The following ASB7 variants were observed in gnomAD, a reference collection of about 807,000 sequenced individuals.
ASB7 encodes ankyrin repeat and SOCS box protein 7.
In ASB7, 4 loss-of-function variants were observed where a neutral mutation model predicts 32.5. The ratio of observed to expected loss-of-function variants is 0.12; its 90% CI spans 0.06 to 0.28. The LOEUF (loss-of-function observed/expected upper bound fraction) is 0.28. Among genes scored for constraint, ASB7 ranks in the 10% least tolerant of loss-of-function variants. ASB7 has a pLI of 1.00. For missense variants in ASB7, 181 were observed against 407.1 expected (o/e 0.44, Z 4.78); for synonymous variants, 172 against 155.6 (o/e 1.11, Z -0.78).
chr15:100,610,169 A>G (rs942827538), intron 3 of ASB7, among the ~76,000 whole-genome samples: 3 of 152,166 alleles, frequency 2.0e-5, no homozygotes, highest in Admixed American at 6.5e-5. Flanking sequence ...AGAAGGGACA[A>G]TTTTTGTGAA....
intron 5 of ASB7, among the ~76,000 whole-genome samples, chr15:100,631,504 C>A (rs777970152): frequency 6.6e-6 from 1 of 152,158 alleles, no homozygotes; most frequent in Non-Finnish European, 1.5e-5. Context: ...GTCCTGCTTG[C>A]CTTGTTGTTG....
Position 100,629,323 on chromosome 15 carries a change from T to C in ASB7, c.212-114T>C. Reference sequence around the variant, plus strand: ...AAAACGTACTTGATATTCATTACAGTGTTTGGTTGCTTCACATTTTATATG... The same window carrying C: ...AAAACGTACTTGATATTCATTACAGCGTTTGGTTGCTTCACATTTTATATG... On this transcript the variant is annotated intron_variant, in intron 4 of 5. Coordinates refer to ENST00000332783, the MANE Select transcript of ASB7 (RefSeq NM_198243.3). The surrounding 1 kb of genome is among the most constrained non-coding windows in gnomAD (Gnocchi z 6.8). 8 of 907,094 alleles carry C rather than the reference T, an allele frequency of 8.8e-6. No homozygotes were observed. The highest frequency in any genetic ancestry group is 1.4e-5 in the Non-Finnish European group (8 of 586,102). 56.2% of individuals were successfully genotyped at this position (907,094 alleles called of 1,614,324 possible).
At chr15:100,618,792 G>A (rs2039766832) in intron 4 of ASB7, among the ~76,000 whole-genome samples, 1 of 152,188 alleles carries the variant, frequency 6.6e-6, no homozygotes, top group African/African-American at 2.4e-5. Flanking sequence ...GCAGAAATGA[G>A]CAAATATGGG....
At chr15:100,647,321 G>A (rs901778128) in intron 5 of ASB7, among the ~76,000 whole-genome samples, 2 of 152,166 alleles carry the variant, frequency 1.3e-5, no homozygotes, top group Non-Finnish European at 2.9e-5. Flanking sequence ...ATAAAATGGG[G>A]ATGATGATCA....
intron 5 of ASB7, 137 bp from the exon 6 acceptor site, chr15:100,648,186 T>G: frequency 1.1e-6 from 1 of 898,956 alleles, no homozygotes; most frequent in Non-Finnish European, 1.6e-6. Flanking sequence ...TAGGACACTT[T>G]GAGTTGGTAT....
At chr15:100,630,308 T>A in intron 5 of ASB7, 2 of 657,240 alleles carry the variant, frequency 3.0e-6, no homozygotes, top group Non-Finnish European at 4.2e-6. Flanking sequence ...AGAGGAGAAT[T>A]TTTTTTAAAT....
rs1184548717 is a variant in ASB7, at chr15:100,602,695, T to A, written c.-624T>A. 3.0e-6 allele frequency: 1 copy of A among 333,254 alleles called. No individual in the cohort carries two copies. The highest frequency in any genetic ancestry group is 5.4e-6 in the Non-Finnish European group (1 of 185,214). 20.6% of individuals were successfully genotyped at this position (333,254 alleles called of 1,614,324 possible). ...CACGGCTGGCACTTCGGGCCCCGTATGACCTGGGACCTCGCCGTCCCGAGA... is the reference window on the plus strand; with the variant it reads ...CACGGCTGGCACTTCGGGCCCCGTAAGACCTGGGACCTCGCCGTCCCGAGA... On this transcript the variant is annotated 5_prime_UTR_variant, in exon 1 of 6. The change abolishes an upstream ATG in the 5' untranslated region. Coordinates refer to ENST00000332783, the MANE Select transcript of ASB7 (RefSeq NM_198243.3).
intron 4 of ASB7, among the ~76,000 whole-genome samples, chr15:100,620,279 TG>T (rs1344448126): frequency 3.9e-5 from 6 of 152,352 alleles, no homozygotes; most frequent in Admixed American, 3.3e-4. Flanking sequence ...AATACTGTAT[TG>T]TTTTTTAAAA....
chr15:100,634,727 C>T (rs1166369061), intron 5 of ASB7, among the ~76,000 whole-genome samples: 1 of 152,148 alleles, frequency 6.6e-6, no homozygotes, highest in African/African-American at 2.4e-5. Flanking sequence ...TCTCTTGAAC[C>T]CGGGAGGCTG....
chr15:100,642,167 T>A (rs532827480), intron 5 of ASB7, among the ~76,000 whole-genome samples: 1 of 152,340 alleles, frequency 6.6e-6, no homozygotes, highest in African/African-American at 2.4e-5. Context: ...TTTCAACAAA[T>A]TTAGGCCTCA....
chr15:100,617,023 C>G (rs1445858570), intron 4 of ASB7, among the ~76,000 whole-genome samples: 1 of 152,182 alleles, frequency 6.6e-6, no homozygotes, highest in East Asian at 1.9e-4. Flanking sequence ...AATCTAGAAA[C>G]CATCCTTGGT....
intron 4 of ASB7, among the ~76,000 whole-genome samples, chr15:100,617,456 C>T (rs975578079): frequency 2.8e-4 from 42 of 152,170 alleles, no homozygotes; most frequent in African/African-American, 9.9e-4. Flanking sequence ...TCTTGGGTCA[C>T]GCTTCTGCTC....
rs756853440 is a variant in ASB7, at chr15:100,612,279, G to A, written c.63G>A (p.Ala21=). 12 of 1,614,058 alleles carry A rather than the reference G, an allele frequency of 7.4e-6. No individual in the cohort carries two copies. The highest frequency in any genetic ancestry group is 4.5e-5 in the East Asian group (2 of 44,886). Residue 21 remains alanine (A), a synonymous_variant, in exon 4 of 6, where the codon GCG becomes GCA. Transcript: ENST00000332783. ...ELQEELQIQA[A]VAAGDVHTVR... is the part of the protein sequence containing the mutation. ...AGGAAGAGTTGCAGATTCAGGCCGC[G>A]GTGGCTGCTGGGGATGTCCACACAG...
intron 5 of ASB7, among the ~76,000 whole-genome samples, chr15:100,634,508 A>G (rs2039908002): frequency 6.6e-6 from 1 of 152,200 alleles, no homozygotes; most frequent in African/African-American, 2.4e-5. Flanking sequence ...AAGGATTGAA[A>G]AGAAAAGAGA....
intron 5 of ASB7, among the ~76,000 whole-genome samples, chr15:100,641,057 T>G (rs2039957689): frequency 6.6e-6 from 1 of 150,838 alleles, no homozygotes; most frequent in Admixed American, 6.6e-5. Flanking sequence ...TTTTCCCTGT[T>G]ATGATCCCGT....
At chr15:100,639,772 A>C (rs1292445429) in intron 5 of ASB7, among the ~76,000 whole-genome samples, 1 of 152,196 alleles carries the variant, frequency 6.6e-6, no homozygotes, top group East Asian at 1.9e-4. Context: ...TTTTTGGTCA[A>C]ATTGCATCAC....
chr15:100,634,575 A>G (rs1052361429), intron 5 of ASB7, among the ~76,000 whole-genome samples: 1 of 152,206 alleles, frequency 6.6e-6, no homozygotes, highest in Non-Finnish European at 1.5e-5. Flanking sequence ...AGGCCAAAGC[A>G]GGTGGATCAC....
rs1182754763 is a variant in ASB7, at chr15:100,629,295, G to A, written c.212-142G>A. On this transcript the variant is annotated intron_variant, in intron 4 of 5. Coordinates refer to ENST00000332783, the MANE Select transcript of ASB7 (RefSeq NM_198243.3). The surrounding 1 kb of genome is among the most constrained non-coding windows in gnomAD (Gnocchi z 6.8). Reference sequence around the variant, plus strand: ...TAAAACCAGACTTGAATTAAACTGAGGAAAAACGTACTTGATATTCATTAC... The same window carrying A: ...TAAAACCAGACTTGAATTAAACTGAAGAAAAACGTACTTGATATTCATTAC... 9 of 747,434 alleles carry A rather than the reference G, an allele frequency of 1.2e-5. No individual in the cohort carries two copies. The South Asian group carries it at 1.7e-4, about 14-fold the overall frequency. The allele number at this position is 747,434 out of a possible 1,614,324, so 46.3% of individuals were successfully genotyped here. A position where few individuals can be genotyped will look rare whatever the true frequency, so the allele number is the denominator to read the frequency against.
chr15:100,640,291 C>G (rs919545808), intron 5 of ASB7, among the ~76,000 whole-genome samples: 1 of 152,084 alleles, frequency 6.6e-6, no homozygotes, highest in East Asian at 1.9e-4. Context: ...ACTACAGGCA[C>G]GTGCCACCAT....
Sources: allele counts gnomAD v4.1 joint callset (sites outside exome capture counted in the v4.1 genomes callset), GRCh38; gene constraint gnomAD v4.1.1; non-coding constraint Gnocchi (gnomAD v3.1); transcripts MANE v1.5; gene names NCBI Gene and HGNC (gene_info 2026-07-23, HGNC 2026-07-21).